USP35: variants seen among roughly 807,000 people sequenced by gnomAD.
The protein encoded by USP35 is ubiquitin specific peptidase 35.
A neutral mutation model predicts 83.8 loss-of-function variants in USP35; 69 were observed. That is an observed-to-expected ratio of 0.82 (90% CI 0.68 to 1.01). The LOEUF (loss-of-function observed/expected upper bound fraction) is 1.01, where lower values mean the gene tolerates loss of function less well. Ranked by LOEUF, USP35 falls within the 50% of genes least tolerant of loss-of-function variation. USP35 has a pLI of 0.00. For missense variants in USP35, 1,503 were observed against 1,362.5 expected (o/e 1.10, Z -1.62); for synonymous variants, 714 against 589.5 (o/e 1.21, Z -3.06).
the USP35 span, among the ~76,000 whole-genome samples, chr11:78,234,578 ATATATATT>A: frequency 1.0e-4 from 15 of 147,980 alleles, no homozygotes; most frequent in African/African-American, 3.2e-4. Flanking sequence ...TTTAATAATT[ATATATATT>A]TATATATTTA....
Position 78,213,682 on chromosome 11 carries a change from ATCTCTGCAC to A in USP35, c.2929_2937del (p.Ser977_Leu979del). On this transcript the variant is annotated inframe_deletion, in exon 11 of 11. Transcript: ENST00000529308. ...GGAGGCCCGGAGCAGGGCGGCCTAC[ATCTCTGCAC>A]TCCCCACATCTCCGCACTGGGGGAG... 3.3e-6 allele frequency: 5 copies of A among 1,513,100 alleles called. No individual in the cohort carries two copies. Among genetic ancestry groups the A allele is most frequent in the Middle Eastern group, 1.7e-4 (1 of 5,780 alleles). The allele number at this position is 1,513,100 out of a possible 1,614,324, so 93.7% of individuals were successfully genotyped here.
chr11:78,214,993 A>G lies in USP35; in HGVS notation c.*1180A>G, dbSNP rs999923975. ...CCTTCCCCAGGGGCTGCCTGCTGTG[A>G]TGGTGGTGTGGAGTTTGGGCCCAAT... On this transcript the variant is annotated 3_prime_UTR_variant, in exon 11 of 11. Transcript: ENST00000529308. Among the ~76,000 whole-genome samples the G allele has an allele frequency of 6.6e-6, 1 of 152,026 alleles. No homozygotes were observed. The highest frequency in any genetic ancestry group is 1.5e-5 in the Non-Finnish European group (1 of 68,000).
At chr11:78,207,664 C>G (rs748504848) in intron 8 of USP35, 41 bp downstream of exon 8, 1 of 1,593,878 alleles carries the variant, frequency 6.3e-7, no homozygotes, top group Non-Finnish European at 8.6e-7. Context: ...AGAGGCAGCT[C>G]TGGTCAGGCC....
chr11:78,210,836 CT>C (rs576936148), intron 10 of USP35, 92 bp downstream of exon 10: 1 of 1,342,172 alleles, frequency 7.5e-7, no homozygotes, highest in Non-Finnish European at 9.9e-7. Flanking sequence ...CCCTCTAAGT[CT>C]TTTTTGTAAA....
the USP35 span, among the ~76,000 whole-genome samples, chr11:78,232,766 G>A: frequency 6.6e-6 from 1 of 152,170 alleles, no homozygotes; most frequent in African/African-American, 2.4e-5. Context: ...ATAGATAGAA[G>A]GCTGGTATTA....
At chr11:78,231,359 G>C in the USP35 span, among the ~76,000 whole-genome samples, 9 of 152,006 alleles carry the variant, frequency 5.9e-5, no homozygotes, top group African/African-American at 1.9e-4. Context: ...GTGTGTGTGT[G>C]TGTGTGTGTG....
Position 78,209,742 on chromosome 11 carries a change from A to G in USP35, c.1887A>G (p.Pro629=). Residue 629 remains proline, a synonymous_variant, in exon 10 of 11, where the codon CCA becomes CCG. Coordinates refer to ENST00000529308, the MANE Select transcript of USP35 (RefSeq NM_020798.4). ...EDITARELPP[P]TSAQGPGRVG... The stretch of plus-strand genomic sequence containing the variant: ...TCACAGCCCGGGAGTTGCCCCCACC[A>G]ACCAGTGCACAGGGGCCAGGCAGGG... The G allele has an allele frequency of 6.2e-7, 1 of 1,613,858 alleles. No individual in the cohort carries two copies.
chr11:78,200,998 G>A (rs1167714403), intron 6 of USP35, among the ~76,000 whole-genome samples, 190 bp downstream of exon 6: 1 of 152,212 alleles, frequency 6.6e-6, no homozygotes, highest in Non-Finnish European at 1.5e-5. Context: ...AGTAGGCTGG[G>A]CTGCCTCATG....
intron 1 of USP35, among the ~76,000 whole-genome samples, chr11:78,192,902 C>T (rs1236593095): frequency 6.6e-6 from 1 of 152,190 alleles, no homozygotes; most frequent in Non-Finnish European, 1.5e-5. Context: ...CTTTCTAGTA[C>T]TCTTTCTACT....
Position 78,199,655 on chromosome 11 carries a change from G to C in USP35, c.867G>C (p.Leu289=), listed in dbSNP as rs183937994. 1.2e-6 allele frequency: 2 copies of C among 1,614,146 alleles called. No homozygotes were observed. Among genetic ancestry groups the C allele is most frequent in the South Asian group, 2.2e-5 (2 of 91,086 alleles). ...ATATTGACAAGTGGATCATTGCACT[G>C]CTGAAGGGCCTGGCTGCTGTTAAGA... ...GKNIDKWIIA[L]LKGLAAVKKF... The change falls in exon 4 of 11, where the codon CTG becomes CTC. Residue 289 remains leucine (L), a synonymous_variant. Coordinates refer to ENST00000529308, the MANE Select transcript of USP35 (RefSeq NM_020798.4).
At chr11:78,224,949 A>G in the USP35 span, among the ~76,000 whole-genome samples, 1 of 152,252 alleles carries the variant, frequency 6.6e-6, no homozygotes, top group African/African-American at 2.4e-5. Context: ...TTACTTGTCC[A>G]AAGACTCAAC....
chr11:78,232,280 C>T, the USP35 span, among the ~76,000 whole-genome samples: 1 of 152,282 alleles, frequency 6.6e-6, no homozygotes. Context: ...GGAATCTCAC[C>T]AATGAAATTT....
At chr11:78,220,410 C>T in the USP35 span, 1 of 1,594,262 alleles carries the variant, frequency 6.3e-7, no homozygotes, top group African/African-American at 1.3e-5. Flanking sequence ...ACTGTTCGTG[C>T]CACTGGGAAC....
At chr11:78,208,170 C>T (rs1863594093) in intron 8 of USP35, among the ~76,000 whole-genome samples, 1 of 152,208 alleles carries the variant, frequency 6.6e-6, no homozygotes. Context: ...GGAAATAATA[C>T]ATTCCTGAGG....
rs1298431831 is a variant in USP35, at chr11:78,196,662, G to A, written c.417G>A (p.Ala139=). 4.2e-6 allele frequency: 6 copies of A among 1,419,726 alleles called. No individual in the cohort carries two copies. The highest frequency in any genetic ancestry group is 1.5e-5 in the African/African-American group (1 of 65,812). 87.9% of individuals were successfully genotyped at this position (1,419,726 alleles called of 1,614,324 possible). Residue 139 remains alanine, a synonymous_variant, in exon 2 of 11, where the codon GCG becomes GCA. Coordinates refer to ENST00000529308, the MANE Select transcript of USP35 (RefSeq NM_020798.4). This position sits in a 1 kb window ranked among gnomAD's most constrained non-coding sequence, Gnocchi z 4.8. ...CCGTGTGCGAGCGCCCGGGCCCCGC[G>A]GCCTGCGCGCAGGTGGCACGGCTGC... The part of the protein sequence containing the change: ...LRTVCERPGP[A]ACAQVARLLA...
chr11:78,210,294 C>G lies in USP35; in HGVS notation c.2439C>G (p.Phe813Leu), dbSNP rs757560532. 12 of 1,614,056 alleles carry G rather than the reference C, an allele frequency of 7.4e-6. No homozygotes were observed. Among genetic ancestry groups the G allele is most frequent in the Admixed American group, 1.7e-5 (1 of 60,032 alleles). The change falls in exon 10 of 11, where the codon TTC becomes TTG. Residue 813 changes from phenylalanine to leucine, a missense_variant. By Grantham distance (22) the Phe-to-Leu change is conservative. Transcript: ENST00000529308. The part of the protein sequence containing the change: ...YLILTLLRFS[F>L]DLRTMRRRKI... ...TCCTCACACTGCTGCGCTTCTCTTT[C>G]GACCTGCGCACCATGCGGCGCCGCA...
chr11:78,193,109 G>T (rs371666400), intron 1 of USP35, among the ~76,000 whole-genome samples: 2 of 152,210 alleles, frequency 1.3e-5, no homozygotes, highest in East Asian at 1.9e-4. Flanking sequence ...CTGTTTGTGT[G>T]GGGGAGGTTG....
At chr11:78,231,847 T>A in the USP35 span, 4 of 152,244 alleles carry the variant, frequency 2.6e-5, no homozygotes, top group Non-Finnish European at 4.4e-5. Context: ...TAAGGGTGAC[T>A]TAATATAAAA....
chr11:78,190,922 C>A (rs977757974), intron 1 of USP35, among the ~76,000 whole-genome samples: 1 of 152,248 alleles, frequency 6.6e-6, no homozygotes, highest in Non-Finnish European at 1.5e-5. Flanking sequence ...CCCTGCCCCA[C>A]ATCAGCTGAG....
Sources: gnomAD v4.1 joint callset for allele counts (sites outside exome capture counted in the v4.1 genomes callset) on GRCh38, gnomAD v4.1.1 for gene constraint, Gnocchi (gnomAD v3.1) non-coding constraint, MANE v1.5 for transcripts, NCBI Gene and HGNC (gene_info 2026-07-23, HGNC 2026-07-21) for gene names.